The following DCHS2 variants were observed in gnomAD, a reference collection of about 807,000 sequenced individuals.
DCHS2 encodes the protein dachsous cadherin-related 2.
Under a neutral mutation model 182.4 loss-of-function variants are expected in DCHS2, and 142 were observed. That is an observed-to-expected ratio of 0.78 (90% CI 0.68 to 0.89). The LOEUF (loss-of-function observed/expected upper bound fraction) is 0.89. Among genes scored for constraint, DCHS2 ranks in the 40% least tolerant of loss-of-function variants. The probability of loss-of-function intolerance (pLI) is 0.00; values close to 1 mark genes in which losing one functional copy is unlikely to be tolerated. For synonymous variants in DCHS2, 1,740 were observed against 1,663.3 expected (o/e 1.05, Z -1.12); for missense variants, 4,319 against 4,198.6 (o/e 1.03, Z -0.79).
At chr4:154,309,215 T>A (rs559232127) in intron 10 of DCHS2, among the ~76,000 whole-genome samples, 1 of 152,300 alleles carries the variant, frequency 6.6e-6, no homozygotes, top group African/African-American at 2.4e-5. Context: ...CCATAGTGTC[T>A]CAGATCCAAA....
At chr4:154,374,080 A>C (rs1730778289) in intron 2 of DCHS2, 1 of 818,822 alleles carries the variant, frequency 1.2e-6, no homozygotes, top group East Asian at 2.7e-5. Context: ...ACCTGGATTA[A>C]AGTCAAAATT....
At chr4:154,369,858 C>T (rs1239662870) in intron 2 of DCHS2, among the ~76,000 whole-genome samples, 3 of 152,170 alleles carry the variant, frequency 2.0e-5, no homozygotes, top group Admixed American at 6.5e-5. Flanking sequence ...TTTGGGAAAG[C>T]TCCAAGCTTG....
At chr4:154,380,729 C>A (rs550041059) in intron 1 of DCHS2, among the ~76,000 whole-genome samples, 1 of 152,074 alleles carries the variant, frequency 6.6e-6, no homozygotes, top group Admixed American at 6.6e-5. Flanking sequence ...GTTTCAGAAT[C>A]GTAACATAAG....
rs757506390 is a variant in DCHS2 at position 154,366,344 on chromosome 4, C to A, written c.2342G>T (p.Ser781Ile). 1.9e-6 allele frequency: 3 copies of A among 1,613,722 alleles called. No homozygotes were observed. The highest frequency in any genetic ancestry group is 1.7e-5 in the Admixed American group (1 of 59,988). The change falls in exon 3 of 20, where the codon AGT becomes ATT. Residue 781 changes from serine (S) to isoleucine (I), a missense_variant. Physicochemically the swap from Ser to Ile is moderately radical, Grantham distance 142 (BLOSUM62 -2). Coordinates refer to ENST00000357232, the MANE Select transcript of DCHS2 (RefSeq NM_001358235.2). Reference protein sequence around the residue: ...FNPSTYVTSISDETQPGTEII... With the variant: ...FNPSTYVTSIIDETQPGTEII... ...CTCGGTGCCTGGCTGGGTCTCATCACTGATGCTCGTCACATAGGTTGATGG... is the reference window on the plus strand; with the variant it reads ...CTCGGTGCCTGGCTGGGTCTCATCAATGATGCTCGTCACATAGGTTGATGG...
At chr4:154,464,998 G>GT (rs1385936704) in intron 1 of DCHS2, among the ~76,000 whole-genome samples, 1 of 152,158 alleles carries the variant, frequency 6.6e-6, no homozygotes, top group East Asian at 1.9e-4. Flanking sequence ...CTGGCAGAAG[G>GT]TTTAAATACT....
intron 12 of DCHS2, among the ~76,000 whole-genome samples, chr4:154,303,237 C>T (rs1431260129): frequency 1.3e-5 from 2 of 152,072 alleles, no homozygotes; most frequent in African/African-American, 2.4e-5. Context: ...CCACGTTGGC[C>T]TCCCAAAGTG....
At chr4:154,374,022 A>C in intron 2 of DCHS2, 2 of 1,236,606 alleles carry the variant, frequency 1.6e-6, no homozygotes, top group Non-Finnish European at 2.3e-6. Flanking sequence ...AAAAAAAAAA[A>C]AAACTTGCTT....
At chr4:154,261,533 A>G (rs535839058) in intron 14 of DCHS2, among the ~76,000 whole-genome samples, 202 of 152,304 alleles carry the variant, frequency 1.3e-3, no homozygotes, top group Non-Finnish European at 2.2e-3. Flanking sequence ...TTATTGCTCT[A>G]TCTGAATCAG....
intron 10 of DCHS2, among the ~76,000 whole-genome samples, chr4:154,313,582 T>G (rs1014977924): frequency 6.6e-6 from 1 of 152,162 alleles, no homozygotes; most frequent in African/African-American, 2.4e-5. Flanking sequence ...GACTAAGTCA[T>G]TTAATTCTCA....
chr4:154,427,417 T>C (rs1335218655), intron 1 of DCHS2, among the ~76,000 whole-genome samples: 1 of 152,218 alleles, frequency 6.6e-6, no homozygotes, highest in East Asian at 1.9e-4. Flanking sequence ...GAAGAGCTGT[T>C]CTGTACCACA....
Position 154,235,238 on chromosome 4 carries a change from G to T in DCHS2, c.9414C>A (p.Asp3138Glu), listed in dbSNP as rs1578831518. The change falls in exon 20 of 20, where the codon GAC becomes GAA. Residue 3138 changes from aspartate (D) to glutamate (E), a missense_variant. Asp to Glu is a conservative substitution (Grantham distance 45). Transcript: ENST00000357232. ...SRVPDSGIPR[D>E]SDQLSCLSGE... The stretch of plus-strand genomic sequence containing the variant: ...CAGATAGGCAGGAGAGCTGGTCTGA[G>T]TCCCTCGGGATACCCGAGTCTGGCA... 1 of 1,614,052 alleles carries T rather than the reference G, an allele frequency of 6.2e-7. No individual in the cohort carries two copies. Among genetic ancestry groups the T allele is most frequent in the Admixed American group, 1.7e-5 (1 of 60,002 alleles).
chr4:154,285,003 AAAG>A (rs1260219357), intron 13 of DCHS2, among the ~76,000 whole-genome samples: 1 of 152,124 alleles, frequency 6.6e-6, no homozygotes, highest in Non-Finnish European at 1.5e-5. Flanking sequence ...AGGGAAGAGT[AAAG>A]AAGACTTTGT....
At chr4:154,297,684 T>G (rs1201784841) in intron 13 of DCHS2, among the ~76,000 whole-genome samples, 167 bp downstream of exon 13, 2 of 152,204 alleles carry the variant, frequency 1.3e-5, no homozygotes, top group African/African-American at 4.8e-5. Flanking sequence ...TGTCATTTCA[T>G]CTCAGACCAG....
intron 17 of DCHS2, among the ~76,000 whole-genome samples, chr4:154,241,394 G>A (rs181770644): frequency 6.6e-6 from 1 of 152,194 alleles, no homozygotes; most frequent in Admixed American, 6.5e-5. Context: ...GAAAAACAAA[G>A]TCTACATAGT....
intron 14 of DCHS2, among the ~76,000 whole-genome samples, chr4:154,264,275 T>C (rs966879509): frequency 1.8e-4 from 28 of 152,182 alleles, no homozygotes; most frequent in African/African-American, 5.3e-4. Context: ...AGCAAACCCA[T>C]AGACAACAGA....
chr4:154,371,268 C>G (rs1730632076), intron 2 of DCHS2, among the ~76,000 whole-genome samples: 2 of 151,818 alleles, frequency 1.3e-5, no homozygotes, highest in South Asian at 4.2e-4. Flanking sequence ...AAAAGGGATT[C>G]GTTTTTGATG....
chr4:154,397,190 G>A (rs940850250), intron 1 of DCHS2, among the ~76,000 whole-genome samples: 3 of 152,096 alleles, frequency 2.0e-5, no homozygotes, highest in African/African-American at 7.2e-5. Flanking sequence ...AGTCAGCATG[G>A]GAAAGAGACA....
At chr4:154,366,633 G>GTA (rs1279721257) in intron 2 of DCHS2, among the ~76,000 whole-genome samples, 192 bp from the exon 3 acceptor site, 4 of 151,894 alleles carry the variant, frequency 2.6e-5, no homozygotes, top group African/African-American at 4.8e-5. Context: ...AAAAGAGTGT[G>GTA]TATATATACA....
At chr4:154,374,143 A>G (rs1730781440) in intron 2 of DCHS2, 2 of 565,524 alleles carry the variant, frequency 3.5e-6, no homozygotes, top group Non-Finnish European at 6.2e-6. Flanking sequence ...GTGCATTGAT[A>G]TGACAGACAG....
Sources: gnomAD v4.1 joint callset for allele counts (sites outside exome capture counted in the v4.1 genomes callset) on GRCh38, gnomAD v4.1.1 for gene constraint, MANE v1.5 for transcripts, NCBI Gene and HGNC (gene_info 2026-07-23, HGNC 2026-07-21) for gene names.